Variants in ATP8A2 observed in about 807,000 individuals in gnomAD.
The protein encoded by ATP8A2 is ATPase phospholipid transporting 8A2, also known as phospholipid-transporting ATPase IB.
ATP8A2 carries 100 observed loss-of-function variants against 165.6 expected under a neutral mutation model. The observed-to-expected ratio is 0.60, with a 90% CI of 0.51 to 0.71. The LOEUF is 0.71. Among genes scored for constraint, ATP8A2 ranks in the 30% least tolerant of loss-of-function variants. The pLI is 0.00. For synonymous variants in ATP8A2, 543 were observed against 548.8 expected (o/e 0.99, Z 0.15); for missense variants, 1,227 against 1,479.5 (o/e 0.83, Z 2.80).
intron 28 of ATP8A2, among the ~76,000 whole-genome samples, chr13:25,829,804 A>G (rs1045037096): frequency 6.8e-6 from 1 of 146,902 alleles, no homozygotes; most frequent in South Asian, 2.2e-4. Context: ...AGCTCCATGC[A>G]GTCTTGGCCA....
Position 25,829,668 on chromosome 13 carries a change from G to GTA in ATP8A2, c.2754+1528_2754+1529dup, listed in dbSNP as rs71080203. Among the ~76,000 whole-genome samples, 603 of 62,888 alleles carry GTA rather than the reference G, an allele frequency of 9.6e-3. 16 individuals carry two copies. Among genetic ancestry groups the GTA allele is most frequent in the Non-Finnish European group, 0.012 (368 of 31,660 alleles). 41.3% of individuals were successfully genotyped at this position (62,888 alleles called of 152,430 possible). On this transcript the variant is annotated intron_variant, in intron 28 of 36. Coordinates refer to ENST00000381655, the MANE Select transcript of ATP8A2 (RefSeq NM_016529.6). Reference sequence around the variant, plus strand: ...TGTTGTAGAGCCAAGGACAGGTGTGGTATATATATATATATATATATATAT... The same window carrying GTA: ...TGTTGTAGAGCCAAGGACAGGTGTGGTATATATATATATATATATATATATAT...
At chr13:25,429,791 G>T (rs914002322) in intron 1 of ATP8A2, among the ~76,000 whole-genome samples, 10 of 152,182 alleles carry the variant, frequency 6.6e-5, no homozygotes, top group South Asian at 2.1e-4. Context: ...GCCAGGAGGA[G>T]GCCACAGCAT....
At chr13:25,647,861 G>A (rs1177520400) in intron 24 of ATP8A2, among the ~76,000 whole-genome samples, 1 of 151,556 alleles carries the variant, frequency 6.6e-6, no homozygotes, top group Non-Finnish European at 1.5e-5. Flanking sequence ...AAATTTTTTT[G>A]TATTTTTAGT....
chr13:25,881,402 T>C, intron 33 of ATP8A2, among the ~76,000 whole-genome samples: 1 of 152,216 alleles, frequency 6.6e-6, no homozygotes, highest in East Asian at 1.9e-4. Context: ...GTGGGGTTGC[T>C]TTTGCTTTTT....
intron 24 of ATP8A2, among the ~76,000 whole-genome samples, chr13:25,590,006 A>G (rs2040027368): frequency 6.6e-6 from 1 of 152,210 alleles, no homozygotes; most frequent in Admixed American, 6.5e-5. Flanking sequence ...AGTGGAACCT[A>G]TTATGACCTA....
intron 1 of ATP8A2, among the ~76,000 whole-genome samples, chr13:25,432,668 T>TC (rs200971746): frequency 0.018 from 2,789 of 152,242 alleles, 91 homozygotes; most frequent in African/African-American, 0.064. Context: ...CCTGTCATTT[T>TC]TTTTTTTCTG....
At chr13:25,687,100 G>C (rs2137837461) in intron 24 of ATP8A2, among the ~76,000 whole-genome samples, 1 of 152,298 alleles carries the variant, frequency 6.6e-6, no homozygotes, top group South Asian at 2.1e-4. Context: ...GAGTCGTGGA[G>C]CAGAGGAGAG....
intron 33 of ATP8A2, among the ~76,000 whole-genome samples, chr13:25,897,575 T>A (rs1415890623): frequency 6.6e-6 from 1 of 152,226 alleles, no homozygotes; most frequent in Non-Finnish European, 1.5e-5. Context: ...ATTTGAATGT[T>A]GGCCTGCCTT....
At chr13:25,706,476 AG>A (rs2043057053) in intron 25 of ATP8A2, among the ~76,000 whole-genome samples, 1 of 152,128 alleles carries the variant, frequency 6.6e-6, no homozygotes, top group Admixed American at 6.5e-5. Flanking sequence ...TACCTTAATG[AG>A]GCATGATGGA....
At chr13:25,729,088 GT>G (rs1055669806) in intron 25 of ATP8A2, among the ~76,000 whole-genome samples, 11 of 151,706 alleles carry the variant, frequency 7.3e-5, no homozygotes, top group Admixed American at 1.3e-4. Context: ...CTCCTCCACT[GT>G]TTTTTTCCCA....
At chr13:25,943,418 T>C (rs1955126009) in intron 33 of ATP8A2, among the ~76,000 whole-genome samples, 1 of 152,202 alleles carries the variant, frequency 6.6e-6, no homozygotes, top group Non-Finnish European at 1.5e-5. Context: ...TTTTATATGT[T>C]CAGATGCATA....
At chr13:25,504,563 A>G (rs1484865606) in intron 2 of ATP8A2, among the ~76,000 whole-genome samples, 2 of 146,016 alleles carry the variant, frequency 1.4e-5, no homozygotes, top group Non-Finnish European at 3.0e-5. Context: ...ACAAGGTGAA[A>G]CCCCGTCTCT....
intron 1 of ATP8A2, among the ~76,000 whole-genome samples, chr13:25,431,625 T>C (rs1274935102): frequency 6.6e-6 from 1 of 152,252 alleles, no homozygotes; most frequent in Non-Finnish European, 1.5e-5. Context: ...CTAAGCAACC[T>C]TATTTTTTAA....
In ATP8A2 at chr13:26,020,143, CGCAAACCTGGAGT is replaced by C; in HGVS notation, c.*162_*174del. The C allele has an allele frequency of 1.6e-6, 1 of 627,226 alleles. No individual in the cohort carries two copies. The highest frequency in any genetic ancestry group is 2.8e-6 in the Non-Finnish European group (1 of 355,234). The allele number at this position is 627,226 out of a possible 1,614,324, so 38.9% of individuals were successfully genotyped here. On this transcript the variant is annotated 3_prime_UTR_variant, in exon 37 of 37. Coordinates refer to ENST00000381655, the MANE Select transcript of ATP8A2 (RefSeq NM_016529.6). ...GCAGTTTGTTAGTTACATATTCCCTCGCAAACCTGGAGTGCAGACCACAGGGGAAGCTATCTTT... is the reference window on the plus strand; with the variant it reads ...GCAGTTTGTTAGTTACATATTCCCTCGCAGACCACAGGGGAAGCTATCTTT...
At chr13:25,762,356 AC>A (rs2044400785) in intron 25 of ATP8A2, among the ~76,000 whole-genome samples, 2 of 150,280 alleles carry the variant, frequency 1.3e-5, no homozygotes, top group African/African-American at 4.9e-5. Flanking sequence ...AATCAAGACC[AC>A]TAGCATGTTG....
At chr13:25,503,712 C>T (rs375033586) in intron 2 of ATP8A2, among the ~76,000 whole-genome samples, 1 of 152,112 alleles carries the variant, frequency 6.6e-6, no homozygotes, top group East Asian at 1.9e-4. Flanking sequence ...GATAGTCATA[C>T]AGTCAATTGT....
At chr13:25,879,586 C>T (rs898776038) in intron 33 of ATP8A2, among the ~76,000 whole-genome samples, 2 of 152,194 alleles carry the variant, frequency 1.3e-5, no homozygotes, top group African/African-American at 4.8e-5. Context: ...CCTCTGCTGG[C>T]GATGGATTCT....
In ATP8A2 at chr13:25,464,413, T is replaced by C. The variant is rs2035581017; in HGVS notation, c.77-4564T>C. On this transcript the variant is annotated intron_variant, in intron 1 of 36. Transcript: ENST00000381655. ...CTGGGATCTCGGAGAGGACTGGACC[T>C]AGGACCCAAAAAACTGCTGCCTCAT... Among the ~76,000 whole-genome samples, 3 of 137,980 alleles carry C rather than the reference T, an allele frequency of 2.2e-5. No individual in the cohort carries two copies. In the East Asian group the frequency reaches 6.2e-4, roughly 29 times the overall value. The allele number at this position is 137,980 out of a possible 152,430, so 90.5% of individuals were successfully genotyped here. A position where few individuals can be genotyped will look rare whatever the true frequency, so the allele number is the denominator to read the frequency against.
chr13:25,803,122 C>T (rs1240737263), intron 27 of ATP8A2, among the ~76,000 whole-genome samples: 3 of 152,098 alleles, frequency 2.0e-5, no homozygotes, highest in African/African-American at 7.2e-5. Context: ...CATTGACACT[C>T]TGTGGTATCT....
Sources: allele counts gnomAD v4.1 joint callset (sites outside exome capture counted in the v4.1 genomes callset), GRCh38; gene constraint gnomAD v4.1.1; transcripts MANE v1.5; gene names NCBI Gene and HGNC (gene_info 2026-07-23, HGNC 2026-07-21).